SLC50A1: variants seen among roughly 807,000 people sequenced by gnomAD.
SLC50A1 encodes sugar transporter SWEET1.
In SLC50A1, 22 loss-of-function variants were observed where a neutral mutation model predicts 28.9. The observed-to-expected ratio is 0.76, with a 90% CI of 0.54 to 1.09. The LOEUF (loss-of-function observed/expected upper bound fraction) is 1.09, where lower values mean the gene tolerates loss of function less well. Among genes scored for constraint, SLC50A1 ranks in the 50% least tolerant of loss-of-function variants. The pLI, the probability that SLC50A1 is intolerant of heterozygous loss-of-function variation, is 0.00. For missense variants in SLC50A1, 233 were observed against 273.4 expected (o/e 0.85, Z 1.04); for synonymous variants, 96 against 110.6 (o/e 0.87, Z 0.83).
chr1:155,137,273 T>C (rs1405586062), intron 3 of SLC50A1: 6 of 548,726 alleles, frequency 1.1e-5, no homozygotes, highest in Non-Finnish European at 2.0e-5. Context: ...AATGAGATGA[T>C]TAGCTCTGCG....
chr1:155,137,641 C>T lies in SLC50A1; in HGVS notation c.363C>T (p.Asn121=), dbSNP rs773625505. The T allele has an allele frequency of 1.2e-6, 2 of 1,614,192 alleles. No individual in the cohort carries two copies. The highest frequency in any genetic ancestry group is 2.2e-5 in the South Asian group (2 of 91,084). Residue 121 remains asparagine (N), a synonymous_variant, in exon 4 of 6, where the codon AAC becomes AAT. Transcript: ENST00000368404. Reference sequence around the variant, plus strand: ...GCTACTTTTGGCTCCTGGTACCCAACCCTGAGGCCCGGCTTCAGCAGTTGG... The same window carrying T: ...GCTACTTTTGGCTCCTGGTACCCAATCCTGAGGCCCGGCTTCAGCAGTTGG... ...GYGYFWLLVP[N]PEARLQQLGL...
chr1:155,135,646 G>GCC (rs1664384456), upstream of SLC50A1: 1 of 1,550,414 alleles, frequency 6.4e-7, no homozygotes, highest in Non-Finnish European at 8.7e-7. Flanking sequence ...CACCCGCGGA[G>GCC]CCCTAGGAAG....
At position 155,137,719 on chromosome 1, in the gene SLC50A1, C is replaced by A; in HGVS notation, c.441C>A (p.Asp147Glu). ...GCATGTACCTCTCACCACTGGCTGACTTGGTGAGTGGGGGTGTCCAAGGAG... is the reference window on the plus strand; with the variant it reads ...GCATGTACCTCTCACCACTGGCTGAATTGGTGAGTGGGGGTGTCCAAGGAG... ...TISMYLSPLA[D>E]LAKVIQTKST... Residue 147 changes from aspartate (D) to glutamate (E), a missense_variant, in exon 4 of 6, where the codon GAC (aspartate) becomes GAA (glutamate). Transcript: ENST00000368404. 2.5e-6 allele frequency: 4 copies of A among 1,614,104 alleles called. No homozygotes were observed. The highest frequency in any genetic ancestry group is 2.5e-6 in the Non-Finnish European group (3 of 1,180,012).
upstream of SLC50A1, chr1:155,135,418 C>G (rs558450891): frequency 1.7e-6 from 1 of 604,972 alleles, no homozygotes; most frequent in African/African-American, 1.9e-5. Flanking sequence ...TTCGGCAGCA[C>G]ACTCCAGAAA....
At position 155,136,799 on chromosome 1, in the gene SLC50A1, G is replaced by A. The variant is rs756849244; in HGVS notation, c.159-29G>A. On this transcript the variant is annotated intron_variant, in intron 2 of 5. Coordinates refer to ENST00000368404, the MANE Select transcript of SLC50A1 (RefSeq NM_018845.4). ...GTCCTCCTCTCACACTGAACCCTTT[G>A]AGCCATGTCCATCCCCTCCACCCTG... 4 of 1,613,674 alleles carry A rather than the reference G, an allele frequency of 2.5e-6. No homozygotes were observed. In the East Asian group the frequency reaches 8.9e-5, roughly 36 times the overall value.
Position 155,135,969 on chromosome 1 carries a change from C to G in SLC50A1, c.58C>G (p.Leu20Val). Reference protein sequence around the residue: ...LIYGACVVFTLGMFSAGLSDL... With the variant: ...LIYGACVVFTVGMFSAGLSDL... The stretch of plus-strand genomic sequence containing the variant: ...TTACGGAGCATGCGTGGTCTTCACC[C>G]TTGGCATGTTCTCCGCCGGCCTGTG... Residue 20 changes from leucine (L) to valine (V), a missense_variant, in exon 1 of 6, where the codon CTT becomes GTT. Coordinates refer to ENST00000368404, the MANE Select transcript of SLC50A1 (RefSeq NM_018845.4). 1 of 1,614,134 alleles carries G rather than the reference C, an allele frequency of 6.2e-7. No homozygotes were observed. Among genetic ancestry groups the G allele is most frequent in the Non-Finnish European group, 8.5e-7 (1 of 1,180,022 alleles).
chr1:155,135,521 T>C, upstream of SLC50A1: 4 of 1,425,554 alleles, frequency 2.8e-6, no homozygotes, highest in South Asian at 2.7e-5. Flanking sequence ...AGCTTTTGTT[T>C]GGAGGTCCAC....
At chr1:155,135,781 C>A, upstream of SLC50A1, 1 of 1,551,384 alleles carries the variant, frequency 6.4e-7, no homozygotes, top group Non-Finnish European at 8.7e-7. Flanking sequence ...TCCGGAGGGA[C>A]GGCCCGAGCG....
rs569309987 is a variant in SLC50A1 at position 155,138,398 on chromosome 1, T to C, written c.*117T>C. The C allele has an allele frequency of 1.8e-4, 165 of 900,648 alleles. 1 individual carries two copies. The highest frequency in any genetic ancestry group is 1.7e-3 in the South Asian group (114 of 66,580). 55.8% of individuals were successfully genotyped at this position (900,648 alleles called of 1,614,324 possible). ...TGCAGTGGGTTGTGGGAACAAGAGA[T>C]GACTTTGAGGATAAAAGGACCAAAG... On this transcript the variant is annotated 3_prime_UTR_variant, in exon 6 of 6. Transcript: ENST00000368404.
intron 2 of SLC50A1, 62 bp downstream of exon 2, chr1:155,136,438 G>C: frequency 6.7e-7 from 1 of 1,486,424 alleles, no homozygotes; most frequent in East Asian, 2.3e-5. Context: ...GGCGGGGCAG[G>C]AGGAGCAAGA....
At chr1:155,135,841 T>C, upstream of SLC50A1, 2 of 1,602,980 alleles carry the variant, frequency 1.2e-6, no homozygotes, top group South Asian at 1.1e-5. Flanking sequence ...GCCGCAGGTC[T>C]GGGCTGCAGT....
intron 2 of SLC50A1, 82 bp from the exon 3 acceptor site, chr1:155,136,742 CAAAA>C (rs879631277): frequency 3.2e-6 from 4 of 1,234,678 alleles, no homozygotes; most frequent in Non-Finnish European, 4.4e-6. Flanking sequence ...GACTACGTCT[CAAAA>C]AAAAAAAAAG....
At chr1:155,135,797 G>C, upstream of SLC50A1, 2 of 1,558,300 alleles carry the variant, frequency 1.3e-6, no homozygotes, top group Admixed American at 3.9e-5. Context: ...GAGCGTGCGG[G>C]GGCGGAGCCG....
chr1:155,136,117 G>A (rs1664439388), intron 1 of SLC50A1, 126 bp downstream of exon 1: 14 of 1,215,666 alleles, frequency 1.2e-5, no homozygotes, highest in Non-Finnish European at 1.6e-5. Context: ...CGGGTCGAGG[G>A]GACCGGGGTA....
At chr1:155,135,598 G>A, upstream of SLC50A1, 10 of 1,550,014 alleles carry the variant, frequency 6.5e-6, no homozygotes, top group Non-Finnish European at 8.7e-6. Context: ...TGATCCAAGG[G>A]GTAGGCAGAG....
At chr1:155,135,631 G>T (rs1475726365), upstream of SLC50A1, 2 of 1,550,364 alleles carry the variant, frequency 1.3e-6, no homozygotes, top group South Asian at 2.4e-5. Context: ...CAGGTATCGG[G>T]GACACACCCG....
At chr1:155,137,446 G>A (rs948079195) in intron 3 of SLC50A1, 115 bp from the exon 4 acceptor site, 9 of 1,275,028 alleles carry the variant, frequency 7.1e-6, no homozygotes, top group Non-Finnish European at 9.9e-6. Context: ...GTGCAGTGCT[G>A]GAGGCCTAGA....
At chr1:155,135,401 A>G (rs1664374739), upstream of SLC50A1, 2 of 566,804 alleles carry the variant, frequency 3.5e-6, no homozygotes, top group Non-Finnish European at 6.2e-6. Flanking sequence ...TTATTTTGAG[A>G]AAAAGCTTCG....
chr1:155,137,911 G>A, intron 4 of SLC50A1, 68 bp from the exon 5 acceptor site: 1 of 1,610,080 alleles, frequency 6.2e-7, no homozygotes, highest in Non-Finnish European at 8.5e-7. Flanking sequence ...TTTTCTTGAG[G>A]AAATTCTTAG....
Sources: gnomAD v4.1 joint callset for allele counts on GRCh38, gnomAD v4.1.1 for gene constraint, MANE v1.5 for transcripts, NCBI Gene and HGNC (gene_info 2026-07-23, HGNC 2026-07-21) for gene names.